The following KCNB2 variants were observed in gnomAD, a reference collection of about 807,000 sequenced individuals.
The protein encoded by KCNB2 is potassium voltage-gated channel subfamily B member 2, also known as delayed rectifier potassium channel protein.
A neutral mutation model predicts 61.5 loss-of-function variants in KCNB2; 15 were observed. The ratio of observed to expected loss-of-function variants is 0.24; its 90% confidence interval spans 0.16 to 0.38. The LOEUF (loss-of-function observed/expected upper bound fraction) is 0.38. Ranked by LOEUF, KCNB2 falls within the 10% of genes least tolerant of loss-of-function variation. KCNB2 has a pLI of 1.00. For missense variants in KCNB2, 828 were observed against 1,125.2 expected (o/e 0.74, Z 3.78); for synonymous variants, 457 against 446.0 (o/e 1.02, Z -0.31).
chr8:72,884,951 T>C (rs1416750001), intron 2 of KCNB2, among the ~76,000 whole-genome samples: 2 of 152,204 alleles, frequency 1.3e-5, no homozygotes, highest in African/African-American at 4.8e-5. Flanking sequence ...GGGATTTCAA[T>C]TGGAATTACA....
chr8:72,784,588 G>A (rs959816279), intron 2 of KCNB2, among the ~76,000 whole-genome samples: 5 of 152,148 alleles, frequency 3.3e-5, no homozygotes, highest in Non-Finnish European at 4.4e-5. Flanking sequence ...ATGATGGCAG[G>A]AAGAAGTGCA....
At chr8:72,803,446 C>T (rs539084448) in intron 2 of KCNB2, among the ~76,000 whole-genome samples, 1 of 152,312 alleles carries the variant, frequency 6.6e-6, no homozygotes, top group East Asian at 1.9e-4. Flanking sequence ...AACTACATCA[C>T]CAAAGTAGCC....
In KCNB2 at chr8:72,867,293, A is replaced by G. The variant is rs1805536226; in HGVS notation, c.580-68642A>G. 1.3e-5 allele frequency among the ~76,000 whole-genome samples: 2 copies of G among 152,218 alleles called. 1 individual carries two copies. Among genetic ancestry groups the G allele is most frequent in the South Asian group, 4.1e-4 (2 of 4,836 alleles). ...TAGCTCCAGATGTGAATATTTACTC[A>G]TTTATAAAAAAAGTTGTTACCTATA... On this transcript the variant is annotated intron_variant, in intron 2 of 2. Transcript: ENST00000523207.
At chr8:72,584,733 G>T (rs1806977302) in intron 2 of KCNB2, among the ~76,000 whole-genome samples, 1 of 152,146 alleles carries the variant, frequency 6.6e-6, no homozygotes, top group African/African-American at 2.4e-5. Context: ...AATGAAAAAG[G>T]CATGGTCTTA....
At chr8:72,908,842 C>T (rs183222044) in intron 2 of KCNB2, among the ~76,000 whole-genome samples, 9 of 152,296 alleles carry the variant, frequency 5.9e-5, no homozygotes, top group Non-Finnish European at 1.0e-4. Context: ...GCCTGGCTTA[C>T]AGAAACTCCC....
At chr8:72,915,744 C>A (rs7460416) in intron 2 of KCNB2, among the ~76,000 whole-genome samples, 89,176 of 151,386 alleles carry the variant, frequency 0.59, 27,491 homozygotes, top group Middle Eastern at 0.7. Context: ...GCGGTGAAAC[C>A]CCGTCTCTCT....
At chr8:72,585,780 T>C (rs568934980) in intron 2 of KCNB2, among the ~76,000 whole-genome samples, 122 of 152,354 alleles carry the variant, frequency 8.0e-4, no homozygotes, top group African/African-American at 2.8e-3. Flanking sequence ...CAGAGATCTA[T>C]TGGTGTTTTT....
chr8:72,890,694 A>G (rs1235734734), intron 2 of KCNB2, among the ~76,000 whole-genome samples: 1 of 152,218 alleles, frequency 6.6e-6, no homozygotes, highest in Non-Finnish European at 1.5e-5. Context: ...AGATGAAATC[A>G]CTGAGGCTCA....
rs1168599527 is a variant in KCNB2 at position 72,619,406 on chromosome 8, A to G, written c.579+51093A>G. ...TGTTTCAAGTCATGTATTACCAGGT[A>G]GACATCCCTGTCCTGGAGCTTGTTG... On this transcript the variant is annotated intron_variant, in intron 2 of 2. Transcript: ENST00000523207. 6 of 438,482 alleles carry G rather than the reference A, an allele frequency of 1.4e-5. No homozygotes were observed. In the East Asian group the frequency reaches 3.4e-4, roughly 25 times the overall value. 27.2% of individuals were successfully genotyped at this position (438,482 alleles called of 1,614,324 possible). A position where few individuals can be genotyped will look rare whatever the true frequency, so the allele number is the denominator to read the frequency against.
chr8:72,808,324 A>T (rs918359544), intron 2 of KCNB2, among the ~76,000 whole-genome samples: 19 of 152,176 alleles, frequency 1.2e-4, no homozygotes, highest in African/African-American at 4.6e-4. Flanking sequence ...ATATTTTTTG[A>T]AGCTTCATAC....
intron 2 of KCNB2, among the ~76,000 whole-genome samples, chr8:72,741,990 G>A (rs961472506): frequency 2.0e-5 from 3 of 152,134 alleles, no homozygotes; most frequent in African/African-American, 7.2e-5. Context: ...CCACTATTGG[G>A]TATCTACCCA....
rs775495988 is a variant in KCNB2 at position 72,936,385 on chromosome 8, A to G, written c.1030A>G (p.Met344Val). ...GGGCTTGTTGATATTGTTTCTGGCC[A>G]TGGGGATAATGATATTTTCCAGCCT... is the stretch of plus-strand genomic sequence containing the variant. ...ELGLLILFLA[M>V]GIMIFSSLVF... Residue 344 changes from methionine (M) to valine (V), a missense_variant, in exon 3 of 3, where the codon ATG becomes GTG. Around this residue, in one of 4 missense-constraint regions of KCNB2, gnomAD observed 44 missense variants for 167.6 expected, o/e 0.26. Transcript: ENST00000523207. This position sits in a 1 kb window ranked among gnomAD's most constrained non-coding sequence, Gnocchi z 5.6. 1 of 1,614,244 alleles carries G rather than the reference A, an allele frequency of 6.2e-7. No individual in the cohort carries two copies. Among genetic ancestry groups the G allele is most frequent in the Non-Finnish European group, 8.5e-7 (1 of 1,180,028 alleles).
At chr8:72,855,579 A>G (rs1169369309) in intron 2 of KCNB2, among the ~76,000 whole-genome samples, 1 of 152,132 alleles carries the variant, frequency 6.6e-6, no homozygotes, top group Non-Finnish European at 1.5e-5. Context: ...AGCTTATTCA[A>G]TTATGTGTCG....
chr8:72,806,086 A>C (rs1159799839), intron 2 of KCNB2, among the ~76,000 whole-genome samples: 1 of 152,152 alleles, frequency 6.6e-6, no homozygotes, highest in Non-Finnish European at 1.5e-5. Context: ...GAGGCCAGAC[A>C]TGGTGGCTCA....
chr8:72,692,542 A>G lies in KCNB2; in HGVS notation c.579+124229A>G, dbSNP rs1315994831. Among the ~76,000 whole-genome samples the G allele has an allele frequency of 2.0e-5, 3 of 152,128 alleles. No homozygotes were observed. In the East Asian group the frequency reaches 5.8e-4, roughly 29 times the overall value. On this transcript the variant is annotated intron_variant, in intron 2 of 2. Coordinates refer to ENST00000523207, the MANE Select transcript of KCNB2 (RefSeq NM_004770.3). ...TGTTCTATAACATTAACTGTCTAACATTATGCCAACATCCAAGAATTATAT... is the reference window on the plus strand; with the variant it reads ...TGTTCTATAACATTAACTGTCTAACGTTATGCCAACATCCAAGAATTATAT...
At chr8:72,827,602 GCCAAATATTGGAGGTA>G (rs991592961) in intron 2 of KCNB2, among the ~76,000 whole-genome samples, 5 of 152,114 alleles carry the variant, frequency 3.3e-5, no homozygotes, top group Non-Finnish European at 7.4e-5. Context: ...TAGGTCACAG[GCCAAATATTGGAGGTA>G]CAAGCCTCAG....
At chr8:72,552,923 C>T (rs1387657536) in intron 1 of KCNB2, among the ~76,000 whole-genome samples, 1 of 151,840 alleles carries the variant, frequency 6.6e-6, no homozygotes, top group African/African-American at 2.4e-5. Flanking sequence ...TCCTCTCTTA[C>T]TGTTTCCTTT....
chr8:72,864,455 CA>C (rs1805480477), intron 2 of KCNB2, among the ~76,000 whole-genome samples: 1 of 152,104 alleles, frequency 6.6e-6, no homozygotes, highest in Admixed American at 6.5e-5. Context: ...AAAACCAAAG[CA>C]AAAAACCTGT....
intron 2 of KCNB2, among the ~76,000 whole-genome samples, chr8:72,685,188 A>T (rs1288034674): frequency 6.6e-6 from 1 of 152,174 alleles, no homozygotes; most frequent in East Asian, 1.9e-4. Flanking sequence ...ATGAATTTGT[A>T]TTCATATAGA....
Sources: allele counts gnomAD v4.1 joint callset (sites outside exome capture counted in the v4.1 genomes callset), GRCh38; gene constraint gnomAD v4.1.1; regional missense constraint gnomAD v4.1.1; non-coding constraint Gnocchi (gnomAD v3.1); transcripts MANE v1.5; gene names NCBI Gene and HGNC (gene_info 2026-07-23, HGNC 2026-07-21).